The following TFR2 variants were observed in gnomAD, a reference collection of about 807,000 sequenced individuals.
TFR2 encodes transferrin receptor 2, also known as transferrin receptor protein 2.
TFR2 carries 64 observed loss-of-function variants against 91.9 expected under a neutral mutation model. That is an observed-to-expected ratio of 0.70 (90% CI 0.57 to 0.86). TFR2 has a LOEUF of 0.86. Among genes scored for constraint, TFR2 ranks in the 40% least tolerant of loss-of-function variants. TFR2 has a pLI of 0.00. For missense variants in TFR2, 950 were observed against 1,080.5 expected (o/e 0.88, Z 1.69); for synonymous variants, 454 against 459.6 (o/e 0.99, Z 0.15).
At chr7:100,637,161 A>T (rs1389421013) in intron 3 of TFR2, among the ~76,000 whole-genome samples, 1 of 152,122 alleles carries the variant, frequency 6.6e-6, no homozygotes, top group Non-Finnish European at 1.5e-5. Flanking sequence ...GCACTTTGGG[A>T]GGCCGAGGTG....
intron 6 of TFR2, 57 bp from the exon 7 acceptor site, chr7:100,632,255 C>T: frequency 1.4e-6 from 2 of 1,464,034 alleles, no homozygotes; most frequent in East Asian, 4.5e-5. Flanking sequence ...TTCATAAGGG[C>T]AGGAGAAACC....
At chr7:100,632,897 G>A (rs534407326) in intron 6 of TFR2, 104 bp downstream of exon 6, 114 of 1,590,552 alleles carry the variant, frequency 7.2e-5, no homozygotes, top group Non-Finnish European at 9.5e-5. Context: ...CCAGCCACAT[G>A]GTTCTTTCCT....
At chr7:100,629,419 C>T (rs1325462454) in intron 9 of TFR2, 47 bp from the exon 10 acceptor site, 3 of 1,611,238 alleles carry the variant, frequency 1.9e-6, no homozygotes, top group East Asian at 2.2e-5. Context: ...GCACCCTGCA[C>T]CCTGGGGGCA....
chr7:100,640,598 GA>G, intron 3 of TFR2, 87 bp downstream of exon 3: 1 of 1,487,140 alleles, frequency 6.7e-7, no homozygotes, highest in Non-Finnish European at 9.1e-7. Context: ...CCAGACACCA[GA>G]GGCCTGGGCC....
chr7:100,626,737 G>T lies in TFR2; in HGVS notation c.2136+26C>A, dbSNP rs1188644575. 2.0e-6 allele frequency: 3 copies of T among 1,537,746 alleles called. No individual in the cohort carries two copies. The South Asian group carries it at 3.6e-5, about 18-fold the overall frequency. ...CCAGGGGAGGGGCGGGACACTGGGG[G>T]CGGGGCGAGGAGGGCGGGGCCTCAC... On this transcript the variant is annotated intron_variant, in intron 17 of 17. Transcript: ENST00000223051.
chr7:100,630,129 C>G (rs994139227), intron 9 of TFR2, among the ~76,000 whole-genome samples: 2 of 152,164 alleles, frequency 1.3e-5, no homozygotes, highest in African/African-American at 4.8e-5. Flanking sequence ...CCACTGCCAT[C>G]CACATCTAGC....
At chr7:100,628,359 T>C (rs1393557445) in intron 10 of TFR2, 53 bp from the exon 11 acceptor site, 6 of 1,552,254 alleles carry the variant, frequency 3.9e-6, no homozygotes, top group Non-Finnish European at 5.3e-6. Context: ...GCAAAGACCC[T>C]CCCCTTGTCT....
chr7:100,635,062 C>T (rs1192967218), intron 3 of TFR2, among the ~76,000 whole-genome samples: 1 of 152,096 alleles, frequency 6.6e-6, no homozygotes, highest in Non-Finnish European at 1.5e-5. Context: ...CCTCAGCCTC[C>T]TGAGTAGCTA....
At chr7:100,632,267 G>C in intron 6 of TFR2, 69 bp from the exon 7 acceptor site, 3 of 1,412,116 alleles carry the variant, frequency 2.1e-6, no homozygotes, top group Non-Finnish European at 2.0e-6. Context: ...GGAGAAACCA[G>C]GAAATGGCAA....
At chr7:100,630,278 T>C (rs1484765687) in intron 9 of TFR2, among the ~76,000 whole-genome samples, 109 of 151,510 alleles carry the variant, frequency 7.2e-4, no homozygotes, top group Non-Finnish European at 5.9e-5. Context: ...CTTTCTCTCT[T>C]TCTTTCTTTC....
rs756482699 is a variant in TFR2 at position 100,627,370 on chromosome 7, A to T, written c.1889T>A (p.Leu630His). 4 of 1,554,632 alleles carry T rather than the reference A, an allele frequency of 2.6e-6. No homozygotes were observed. The East Asian group carries it at 9.7e-5, about 38-fold the overall frequency. ...QAVAQLAGQLLIRLSHDRLLP... is the reference protein window; with the variant it reads ...QAVAQLAGQLHIRLSHDRLLP... ...CAGGCGATCGTGGCTGAGCCGGATG[A>T]GGAGCTGCCCTGCGAGCTGGGCCAC... Residue 630 changes from leucine (L) to histidine (H), a missense_variant, in exon 16 of 18, where the codon CTC (leucine) becomes CAC (histidine). Leu to His is a moderately conservative substitution (Grantham distance 99). Transcript: ENST00000223051.
chr7:100,631,404 G>A (rs910454809), intron 8 of TFR2: 2 of 200,666 alleles, frequency 1.0e-5, no homozygotes, highest in Non-Finnish European at 2.0e-5. Context: ...CGAGATGGGC[G>A]GATCACTAGG....
At chr7:100,640,559 A>T in intron 3 of TFR2, 127 bp downstream of exon 3, 1 of 1,066,454 alleles carries the variant, frequency 9.4e-7, no homozygotes, top group Non-Finnish European at 1.3e-6. Flanking sequence ...GGGGCCAGGA[A>T]GGCAGATGGG....
At chr7:100,630,033 C>T (rs768214183) in intron 9 of TFR2, among the ~76,000 whole-genome samples, 2 of 152,150 alleles carry the variant, frequency 1.3e-5, no homozygotes, top group Non-Finnish European at 2.9e-5. Context: ...CGTGAGCCAC[C>T]GCACCCAGCC....
At chr7:100,628,416 C>G in intron 10 of TFR2, 110 bp from the exon 11 acceptor site, 1 of 1,051,094 alleles carries the variant, frequency 9.5e-7, no homozygotes, top group Non-Finnish European at 1.4e-6. Context: ...GTCTCTCTCT[C>G]TGAGACAGGA....
rs1562834763 is a variant in TFR2 at position 100,620,838 on chromosome 7, T to C, written c.*19A>G. On this transcript the variant is annotated 3_prime_UTR_variant, in exon 18 of 18. Coordinates refer to ENST00000223051, the MANE Select transcript of TFR2 (RefSeq NM_003227.4). ...GGAGCTCTTGACTGGGGGACGGGGA[T>C]GTGAGGATCCCCAGGGCCTCAGAAG... 6.2e-7 allele frequency: 1 copy of C among 1,613,814 alleles called. No individual in the cohort carries two copies. Among genetic ancestry groups the C allele is most frequent in the African/African-American group, 1.3e-5 (1 of 75,066 alleles).
intron 8 of TFR2, 156 bp downstream of exon 8, chr7:100,631,650 C>T (rs954073091): frequency 1.1e-4 from 106 of 988,918 alleles, no homozygotes; most frequent in Non-Finnish European, 1.4e-4. Context: ...CAGGGTCTCT[C>T]TGTCTCCCAG....
intron 17 of TFR2, among the ~76,000 whole-genome samples, chr7:100,623,725 C>T (rs1266602991): frequency 1.3e-5 from 2 of 151,506 alleles, no homozygotes; most frequent in African/African-American, 4.9e-5. Flanking sequence ...CAATACCAGT[C>T]TGGGCAACAC....
chr7:100,641,251 A>G (rs1280713773), intron 1 of TFR2, 23 bp from the exon 2 acceptor site: 36 of 1,513,752 alleles, frequency 2.4e-5, no homozygotes, highest in Non-Finnish European at 3.2e-5. Context: ...GGTGGGCATG[A>G]GATTGGGGCA....
Sources: gnomAD v4.1 joint callset for allele counts (sites outside exome capture counted in the v4.1 genomes callset) on GRCh38, gnomAD v4.1.1 for gene constraint, MANE v1.5 for transcripts, NCBI Gene and HGNC (gene_info 2026-07-23, HGNC 2026-07-21) for gene names.